Variants in AP1B1 observed in about 807,000 individuals in gnomAD.
AP1B1 encodes the protein adaptor related protein complex 1 subunit beta 1.
AP1B1 carries 36 observed loss-of-function variants against 104.3 expected under a neutral mutation model. The observed-to-expected ratio is 0.35, with a 90% CI of 0.26 to 0.46. The LOEUF is 0.46. Among genes scored for constraint, AP1B1 ranks in the 20% least tolerant of loss-of-function variants. AP1B1 has a pLI of 1.00. For synonymous variants in AP1B1, 504 were observed against 517.5 expected (o/e 0.97, Z 0.35); for missense variants, 901 against 1,247.9 (o/e 0.72, Z 4.19).
At chr22:29,344,667 G>T (rs2061764153) in intron 11 of AP1B1, among the ~76,000 whole-genome samples, 1 of 151,802 alleles carries the variant, frequency 6.6e-6, no homozygotes, top group East Asian at 1.9e-4. Flanking sequence ...TAGGATTACA[G>T]GCACACACCA....
chr22:29,376,670 C>T (rs1246144091), intron 1 of AP1B1, among the ~76,000 whole-genome samples: 7 of 151,968 alleles, frequency 4.6e-5, no homozygotes, highest in Non-Finnish European at 1.0e-4. Context: ...AAAAAAGGGG[C>T]TGGGGTGATG....
intron 16 of AP1B1, among the ~76,000 whole-genome samples, chr22:29,336,158 T>C (rs899463575): frequency 3.3e-5 from 5 of 152,260 alleles, no homozygotes; most frequent in African/African-American, 9.6e-5. Context: ...AAAGTTCTTA[T>C]GCACAGACAG....
intron 17 of AP1B1, chr22:29,332,203 T>C: frequency 3.1e-6 from 1 of 322,584 alleles, no homozygotes; most frequent in Non-Finnish European, 5.7e-6. Flanking sequence ...CAGGCACTGG[T>C]GGGCCCAGGT....
At chr22:29,338,102 G>A (rs2061663764) in intron 16 of AP1B1, among the ~76,000 whole-genome samples, 2 of 152,174 alleles carry the variant, frequency 1.3e-5, no homozygotes, top group Admixed American at 6.5e-5. Flanking sequence ...ATCTTCAGGT[G>A]GCATAACATG....
chr22:29,349,071 G>C, intron 11 of AP1B1, 147 bp downstream of exon 11: 1 of 895,454 alleles, frequency 1.1e-6, no homozygotes, highest in African/African-American at 1.7e-5. Flanking sequence ...GGAGGAAAAG[G>C]GGCGGTGTCC....
chr22:29,371,209 CT>C lies in AP1B1; in HGVS notation c.-27-3940del, dbSNP rs1022844181. On this transcript the variant is annotated intron_variant, in intron 1 of 22. Transcript: ENST00000357586. ...CTGGTACCTGGTCTTGCAGTTGCCT[CT>C]TGGATGGATATCAGTGCAAGAGATT... Among the ~76,000 whole-genome samples the C allele has an allele frequency of 5.0e-4, 76 of 152,204 alleles. 1 individual carries two copies. The highest frequency in any genetic ancestry group is 1.7e-3 in the African/African-American group (72 of 41,444).
chr22:29,357,347 C>T (rs1158304287), intron 5 of AP1B1, among the ~76,000 whole-genome samples: 3 of 151,926 alleles, frequency 2.0e-5, no homozygotes, highest in Admixed American at 6.6e-5. Flanking sequence ...GGATTATAGG[C>T]GTGAGCCACT....
chr22:29,349,001 G>A (rs2061832357), intron 11 of AP1B1, among the ~76,000 whole-genome samples: 1 of 152,214 alleles, frequency 6.6e-6, no homozygotes, highest in Non-Finnish European at 1.5e-5. Flanking sequence ...ACTTTTGCCT[G>A]CCTTCCACGC....
chr22:29,366,890 T>C (rs1281110305), intron 2 of AP1B1, among the ~76,000 whole-genome samples: 1 of 146,772 alleles, frequency 6.8e-6, no homozygotes, highest in African/African-American at 2.5e-5. Flanking sequence ...ACAACTGCTG[T>C]GGGGGTGTTG....
chr22:29,331,725 C>A, intron 18 of AP1B1, 62 bp downstream of exon 18: 15 of 1,613,822 alleles, frequency 9.3e-6, no homozygotes, highest in Non-Finnish European at 1.3e-5. Context: ...TTCTACTGAC[C>A]CCAGTGGGGC....
chr22:29,361,873 C>T (rs1238467960), intron 3 of AP1B1, among the ~76,000 whole-genome samples: 1 of 151,950 alleles, frequency 6.6e-6, no homozygotes. Flanking sequence ...TGGCTCACTG[C>T]AGCCTCTGCC....
chr22:29,366,380 G>A (rs2002566), intron 2 of AP1B1, among the ~76,000 whole-genome samples: 53,698 of 152,008 alleles, frequency 0.35, 10,397 homozygotes, highest in East Asian at 0.66. Context: ...GCTCACGCCT[G>A]TAATCCCAGC....
chr22:29,341,182 C>T (rs1282416211), intron 13 of AP1B1, among the ~76,000 whole-genome samples: 1 of 152,240 alleles, frequency 6.6e-6, no homozygotes, highest in Non-Finnish European at 1.5e-5. Context: ...GGAGGAGGCG[C>T]AGACAGGGAT....
rs1336656142 is a variant in AP1B1, at chr22:29,363,025, G to A, written c.119C>T (p.Ser40Leu). Residue 40 changes from serine (S) to leucine (L), a missense_variant, in exon 3 of 23, where the codon TCG (serine) becomes TTG (leucine). By Grantham distance (145) the Ser-to-Leu change is moderately radical. Transcript: ENST00000357586. The part of the protein sequence containing the change: ...KKEAVKKVIA[S>L]MTVGKDVSAL... Reference sequence around the variant, plus strand: ...CCTGACATCTTTGCCCACGGTCATCGATGCAATCACTTTCTTCACTGCCTC... The same window carrying A: ...CCTGACATCTTTGCCCACGGTCATCAATGCAATCACTTTCTTCACTGCCTC... 2.5e-6 allele frequency: 4 copies of A among 1,610,266 alleles called. No homozygotes were observed. Among genetic ancestry groups the A allele is most frequent in the Admixed American group, 3.3e-5 (2 of 59,984 alleles).
At chr22:29,377,216 A>G (rs2148046205) in intron 1 of AP1B1, among the ~76,000 whole-genome samples, 1 of 151,530 alleles carries the variant, frequency 6.6e-6, no homozygotes, top group South Asian at 2.1e-4. Context: ...AAAAAAAAAA[A>G]AAAAGGAAAA....
At chr22:29,332,343 G>A (rs2061574032) in intron 17 of AP1B1, 1 of 159,490 alleles carries the variant, frequency 6.3e-6, no homozygotes, top group Admixed American at 6.3e-5. Flanking sequence ...ACTCCCAGAA[G>A]GGATCTGACC....
intron 1 of AP1B1, among the ~76,000 whole-genome samples, chr22:29,381,358 TG>T (rs2062433668): frequency 1.3e-5 from 2 of 152,246 alleles, no homozygotes; most frequent in Non-Finnish European, 2.9e-5. Flanking sequence ...CTAATGTAAA[TG>T]GGGGTAAGGA....
In AP1B1 at chr22:29,354,794, T is replaced by C. The variant is rs1241368673; in HGVS notation, c.794A>G (p.Lys265Arg). The C allele has an allele frequency of 6.2e-7, 1 of 1,613,992 alleles. No homozygotes were observed. Among genetic ancestry groups the C allele is most frequent in the South Asian group, 1.1e-5 (1 of 91,058 alleles). ...GTCCTTAGACAACATCTCCATGAACTTCATCAGCACCTTCACAGCAGAGAG... is the reference window on the plus strand; with the variant it reads ...GTCCTTAGACAACATCTCCATGAACCTCATCAGCACCTTCACAGCAGAGAG... ...VVLSAVKVLM[K>R]FMEMLSKDLD... is the part of the protein sequence containing the mutation. The change falls in exon 7 of 23, where the codon AAG becomes AGG. Residue 265 changes from lysine (K) to arginine (R), a missense_variant. This residue lies in a region of AP1B1 where 471 missense variants were observed against 696.7 expected (regional missense o/e 0.68). Transcript: ENST00000357586.
intron 10 of AP1B1, 71 bp downstream of exon 10, chr22:29,349,964 C>T: frequency 8.4e-7 from 1 of 1,186,306 alleles, no homozygotes; most frequent in Non-Finnish European, 1.3e-6. Context: ...ATTCCTCCTT[C>T]CTTTTCTGCC....
Sources: gnomAD v4.1 joint callset for allele counts (sites outside exome capture counted in the v4.1 genomes callset) on GRCh38, gnomAD v4.1.1 for gene constraint, gnomAD v4.1.1 regional missense constraint, MANE v1.5 for transcripts, NCBI Gene and HGNC (gene_info 2026-07-23, HGNC 2026-07-21) for gene names.